Variants in HEATR1 observed in about 807,000 individuals in gnomAD.
HEATR1 encodes the protein HEAT repeat containing 1.
In HEATR1, 77 loss-of-function variants were observed where a neutral mutation model predicts 248.2. The ratio of observed to expected loss-of-function variants is 0.31; its 90% CI spans 0.26 to 0.37. HEATR1 has a LOEUF of 0.37. Among genes scored for constraint, HEATR1 ranks in the 10% least tolerant of loss-of-function variants. The pLI is 1.00. For synonymous variants in HEATR1, 897 were observed against 923.1 expected (o/e 0.97, Z 0.51); for missense variants, 2,420 against 2,504.9 (o/e 0.97, Z 0.72).
intron 13 of HEATR1, 58 bp downstream of exon 13, chr1:236,587,890 G>T: frequency 8.3e-7 from 1 of 1,211,480 alleles, no homozygotes; most frequent in Non-Finnish European, 1.2e-6. Flanking sequence ...AGAATCAAGT[G>T]AGAAGGGCAA....
At position 236,595,560 on chromosome 1, in the gene HEATR1, G is replaced by C. The variant is rs1288183613; in HGVS notation, c.1070C>G (p.Ser357Cys). ...CACACCTGTAACATGATGAATGATGGAGACGACCAGATGGGGAAGCATGTA... is the reference window on the plus strand; with the variant it reads ...CACACCTGTAACATGATGAATGATGCAGACGACCAGATGGGGAAGCATGTA... ...LHYMLPHLVVSIIHHVTGEET... is the reference protein window; with the variant it reads ...LHYMLPHLVVCIIHHVTGEET... The change falls in exon 8 of 45, where the codon TCC becomes TGC. Residue 357 changes from serine to cysteine, a missense_variant. By Grantham distance (112) the Ser-to-Cys change is moderately radical (BLOSUM62 -1). Transcript: ENST00000366582. 1 of 1,611,954 alleles carries C rather than the reference G, an allele frequency of 6.2e-7. No homozygotes were observed. The highest frequency in any genetic ancestry group is 1.3e-5 in the African/African-American group (1 of 74,852).
chr1:236,591,396 C>G (rs1664034910), intron 11 of HEATR1, among the ~76,000 whole-genome samples: 1 of 152,054 alleles, frequency 6.6e-6, no homozygotes, highest in Non-Finnish European at 1.5e-5. Context: ...ATCCATCAAC[C>G]TAAGATTTGG....
intron 9 of HEATR1, 119 bp from the exon 10 acceptor site, chr1:236,592,752 G>C (rs1265452127): frequency 3.9e-6 from 2 of 513,530 alleles, no homozygotes; most frequent in East Asian, 6.4e-5. Context: ...ACAAGGTATA[G>C]TTTAATACTT....
chr1:236,576,079 C>T, intron 22 of HEATR1, 140 bp downstream of exon 22: 1 of 543,242 alleles, frequency 1.8e-6, no homozygotes, highest in Non-Finnish European at 3.1e-6. Context: ...TCAACTCATC[C>T]CCCTCTCAAA....
chr1:236,592,581 T>C lies in HEATR1; in HGVS notation c.1246A>G (p.Asn416Asp). 6.5e-7 allele frequency: 1 copy of C among 1,529,584 alleles called. No individual in the cohort carries two copies. The highest frequency in any genetic ancestry group is 9.0e-7 in the Non-Finnish European group (1 of 1,106,320). The allele number at this position is 1,529,584 out of a possible 1,614,324, so 94.8% of individuals were successfully genotyped here. ...TGTTCATTAAGCAAAGACACTTTAT[T>C]AGAATCCATTTCTTCCTGTGAACTA... ...SYSSQEEMDS[N>D]KVSLLNEQFL... The change falls in exon 10 of 45, where the codon AAT becomes GAT. Residue 416 changes from asparagine (N) to aspartate (D), a missense_variant. Transcript: ENST00000366582.
intron 17 of HEATR1, among the ~76,000 whole-genome samples, chr1:236,583,484 C>CTTTTT (rs373107503): frequency 1.7e-5 from 2 of 115,242 alleles, no homozygotes; most frequent in African/African-American, 3.2e-5. Flanking sequence ...AGGCATATTT[C>CTTTTT]TTTTTTTTTT....
chr1:236,591,964 T>G (rs1664049630), intron 11 of HEATR1, 29 bp downstream of exon 11: 2 of 1,355,960 alleles, frequency 1.5e-6, no homozygotes, highest in Non-Finnish European at 2.1e-6. Flanking sequence ...TACCCCAAAT[T>G]GTCATAATTC....
intron 11 of HEATR1, 112 bp downstream of exon 11, chr1:236,591,881 C>T (rs1024904737): frequency 3.9e-5 from 24 of 618,184 alleles, no homozygotes; most frequent in Non-Finnish European, 6.8e-5. Flanking sequence ...AAGGTTATCT[C>T]TGTAAAATTT....
At chr1:236,583,463 T>C (rs1663806608) in intron 17 of HEATR1, among the ~76,000 whole-genome samples, 1 of 149,880 alleles carries the variant, frequency 6.7e-6, no homozygotes, top group Non-Finnish European at 1.5e-5. Context: ...CAATAAAGGG[T>C]AGGAATAAAT....
chr1:236,588,130 A>G, intron 12 of HEATR1, 87 bp from the exon 13 acceptor site: 1 of 947,402 alleles, frequency 1.1e-6, no homozygotes, highest in Non-Finnish European at 1.6e-6. Flanking sequence ...GTTTTGTGAA[A>G]AACACTCCAG....
chr1:236,559,774 G>C lies in HEATR1; in HGVS notation c.4710C>G (p.Asp1570Glu), dbSNP rs77776078. The change falls in exon 34 of 45, where the codon GAC becomes GAG. Residue 1570 changes from aspartate to glutamate, a missense_variant. Coordinates refer to ENST00000366582, the MANE Select transcript of HEATR1 (RefSeq NM_018072.6). Reference protein sequence around the residue: ...AVAQSMERNADKLTVKFWRAL... With the variant: ...AVAQSMERNAEKLTVKFWRAL... ...CGCGCCAGAACTTCACGGTGAGTTT[G>C]TCTGCGTTCCTTTCCATGGACTGTG... 0.018 allele frequency: 28,692 copies of C among 1,613,956 alleles called. 937 individuals are homozygous for C. The highest frequency in any genetic ancestry group is 0.13 in the East Asian group (6,015 of 44,858).
Position 236,566,747 on chromosome 1 carries a change from C to G in HEATR1, c.4207G>C (p.Val1403Leu). Residue 1403 changes from valine to leucine, a missense_variant, in exon 30 of 45, where the codon GTT becomes CTT. Coordinates refer to ENST00000366582, the MANE Select transcript of HEATR1 (RefSeq NM_018072.6). Reference sequence around the variant, plus strand: ...AATTTCTCTGCACCCAGTGTATCAACAAGTTGAACAAGGATGGGCAGGCGC... The same window carrying G: ...AATTTCTCTGCACCCAGTGTATCAAGAAGTTGAACAAGGATGGGCAGGCGC... ...HRRLPILVQL[V>L]DTLGAEKFLW... The G allele has an allele frequency of 1.2e-6, 2 of 1,614,126 alleles. No homozygotes were observed. Among genetic ancestry groups the G allele is most frequent in the Non-Finnish European group, 8.5e-7 (1 of 1,180,006 alleles).
intron 43 of HEATR1, 127 bp downstream of exon 43, chr1:236,553,454 T>C (rs934912963): frequency 6.0e-6 from 6 of 994,530 alleles, no homozygotes; most frequent in Admixed American, 2.8e-5. Context: ...CCTCTAGTAC[T>C]GGATGACAAA....
chr1:236,551,130 A>G (rs1662720671), intron 44 of HEATR1, 140 bp from the exon 45 acceptor site: 1 of 670,966 alleles, frequency 1.5e-6, no homozygotes, highest in African/African-American at 1.8e-5. Flanking sequence ...TTAACAAAGC[A>G]GGAGGCGCCA....
intron 19 of HEATR1, among the ~76,000 whole-genome samples, chr1:236,581,761 A>G (rs1195800192): frequency 6.6e-6 from 1 of 152,216 alleles, no homozygotes; most frequent in Admixed American, 6.5e-5. Context: ...AAGAACAGGA[A>G]CTGACCACTG....
At chr1:236,581,098 G>A (rs550020064) in intron 20 of HEATR1, 124 bp downstream of exon 20, 39 of 734,070 alleles carry the variant, frequency 5.3e-5, no homozygotes, top group African/African-American at 5.0e-4. Flanking sequence ...GATTACAGGC[G>A]TGAGATACCG....
At position 236,596,900 on chromosome 1, in the gene HEATR1, G is replaced by A. The variant is rs760724482; in HGVS notation, c.680C>T (p.Ala227Val). 4 of 1,613,982 alleles carry A rather than the reference G, an allele frequency of 2.5e-6. No individual in the cohort carries two copies. Among genetic ancestry groups the A allele is most frequent in the East Asian group, 2.2e-5 (1 of 44,880 alleles). ...LAFYASTIVSALVAAEDVSDN... is the reference protein window; with the variant it reads ...LAFYASTIVSVLVAAEDVSDN... ...TGATACGTCCTCTGCAGCTACCAGCGCCGACACTATGGTAGAAGCATAGAA... is the reference window on the plus strand; with the variant it reads ...TGATACGTCCTCTGCAGCTACCAGCACCGACACTATGGTAGAAGCATAGAA... Residue 227 changes from alanine to valine, a missense_variant, in exon 6 of 45, where the codon GCG becomes GTG. Transcript: ENST00000366582.
rs780750334 is a variant in HEATR1 at position 236,601,999 on chromosome 1, C to T, written c.359+1161G>A. On this transcript the variant is annotated intron_variant, in intron 3 of 44. Coordinates refer to ENST00000366582, the MANE Select transcript of HEATR1 (RefSeq NM_018072.6). ...AAAAAAATACAAAAAATTAACTGGGCGTAGTGGTATGTGCCTGTAATCCCA... is the reference window on the plus strand; with the variant it reads ...AAAAAAATACAAAAAATTAACTGGGTGTAGTGGTATGTGCCTGTAATCCCA... 2.6e-5 allele frequency among the ~76,000 whole-genome samples: 4 copies of T among 151,134 alleles called. No homozygotes were observed. The East Asian group carries it at 5.8e-4, about 22-fold the overall frequency.
chr1:236,575,842 A>G (rs1663549617), intron 22 of HEATR1, among the ~76,000 whole-genome samples: 1 of 152,202 alleles, frequency 6.6e-6, no homozygotes, highest in African/African-American at 2.4e-5. Context: ...ATGATTTTGG[A>G]ATTTTCATAG....
Sources: gnomAD v4.1 joint callset for allele counts (sites outside exome capture counted in the v4.1 genomes callset) on GRCh38, gnomAD v4.1.1 for gene constraint, MANE v1.5 for transcripts, NCBI Gene and HGNC (gene_info 2026-07-23, HGNC 2026-07-21) for gene names.